MUC6: variants seen among roughly 807,000 people sequenced by gnomAD.
MUC6 encodes the protein mucin-6.
In MUC6, 188 loss-of-function variants were observed where a neutral mutation model predicts 201.5. The observed-to-expected ratio is 0.93, with a 90% CI of 0.83 to 1.05. MUC6 has a LOEUF of 1.05. MUC6 is among the 50% of genes least tolerant of loss of function. The pLI, the probability that MUC6 is intolerant of heterozygous loss-of-function variation, is 0.00. For missense variants in MUC6, 2,706 were observed against 3,256.9 expected, an observed-to-expected ratio of 0.83 and a Z score of 4.12; for synonymous variants, 1,228 against 1,389.4, an observed-to-expected ratio of 0.88 and a Z score of 2.58.
At chr11:1,032,978 C>T (rs201323655) in intron 2 of MUC6, 35 bp downstream of exon 2, 3 of 1,552,158 alleles carry the variant, frequency 1.9e-6, no homozygotes, top group East Asian at 4.6e-5. Context: ...CCTGGGTGGT[C>T]TGGGCGGCAG....
intron 31 of MUC6, among the ~76,000 whole-genome samples, chr11:1,014,774 C>T (rs907728818): frequency 2.0e-5 from 3 of 152,192 alleles, no homozygotes; most frequent in African/African-American, 7.2e-5. Flanking sequence ...AGCCTACCTG[C>T]CCGCTGCAGA....
chr11:1,025,474 C>A, intron 22 of MUC6, 107 bp from the exon 23 acceptor site: 1 of 1,348,018 alleles, frequency 7.4e-7, no homozygotes, highest in Non-Finnish European at 1.0e-6. Flanking sequence ...TCTGTTAAGG[C>A]CATGCACAGG....
rs759035509 is a variant in MUC6 at position 1,017,562 on chromosome 11, T to C, written c.5239A>G (p.Thr1747Ala). The stretch of plus-strand genomic sequence containing the variant: ...GAGGAAGTGTGTGAATGTAGGGATG[T>C]AGAGGTTTTGGCCGTGCTAAATGAG... ...RSSFSTAKTS[T>A]SLHSHTSSTH... The change falls in exon 31 of 33, where the codon ACA becomes GCA. Residue 1747 changes from threonine (T) to alanine (A), a missense_variant. Transcript: ENST00000421673. 7.1e-7 allele frequency: 1 copy of C among 1,414,658 alleles called. No homozygotes were observed. The highest frequency in any genetic ancestry group is 9.5e-7 in the Non-Finnish European group (1 of 1,056,104). The allele number at this position is 1,414,658 out of a possible 1,614,324, so 87.6% of individuals were successfully genotyped here. A position where few individuals can be genotyped will look rare whatever the true frequency, so the allele number is the denominator to read the frequency against.
At chr11:1,031,561 C>A (rs903022329) in intron 4 of MUC6, 46 bp downstream of exon 4, 13 of 1,536,162 alleles carry the variant, frequency 8.5e-6, no homozygotes, top group Non-Finnish European at 1.0e-5. Context: ...CACCTGCCCC[C>A]CCGTGCTGCG....
chr11:1,035,229 A>G (rs1007111894), intron 1 of MUC6, among the ~76,000 whole-genome samples: 2 of 151,850 alleles, frequency 1.3e-5, no homozygotes, highest in African/African-American at 4.8e-5. Context: ...ACGGGTGGAC[A>G]CCCCCACTTG....
At chr11:1,026,563 C>T (rs905674633) in intron 19 of MUC6, 85 bp from the exon 20 acceptor site, 84 of 1,383,780 alleles carry the variant, frequency 6.1e-5, no homozygotes, top group African/African-American at 4.9e-4. Context: ...GACTGCCCGG[C>T]GTGTCTCCCA....
In MUC6 at chr11:1,023,639, G is replaced by A. The variant is rs762241802; in HGVS notation, c.3396C>T (p.Gly1132=). The part of the protein sequence containing the change: ...RTPAFCPIYC[G]FYNTHTQDGH... ...CGTCCTGCGTGTGCGTGTTGTAGAA[G>A]CCGCAGTAGATGGCTGGGAGGAAGG... Residue 1132 remains glycine (G), a synonymous_variant, in exon 26 of 33, where the codon GGC becomes GGT. Coordinates refer to ENST00000421673, the MANE Select transcript of MUC6 (RefSeq NM_005961.3). 3.3e-5 allele frequency: 53 copies of A among 1,612,502 alleles called. 1 individual carries two copies. The South Asian group carries it at 5.5e-4, about 17-fold the overall frequency.
At chr11:1,032,957 T>A in intron 2 of MUC6, 56 bp downstream of exon 2, 2 of 1,511,566 alleles carry the variant, frequency 1.3e-6, no homozygotes, top group South Asian at 2.5e-5. Context: ...CCCTCTCTCC[T>A]GCACACCGGG....
rs368570174 is a variant in MUC6, at chr11:1,018,569, G to A, written c.4232C>T (p.Thr1411Met). 462 of 1,612,436 alleles carry A rather than the reference G, an allele frequency of 2.9e-4. No individual in the cohort carries two copies. The highest frequency in any genetic ancestry group is 8.9e-4 in the East Asian group (40 of 44,836). ...TGTGGAAGGGACGGGACTCCCCGCC[G>A]TAGGCGGGGAGTGTGTGGTGTGTGG... Reference protein sequence around the residue: ...QTPHTTHSPPTAGSPVPSTGP... With the variant: ...QTPHTTHSPPMAGSPVPSTGP... Residue 1411 changes from threonine (T) to methionine (M), a missense_variant, in exon 31 of 33, where the codon ACG becomes ATG. This residue lies in a region of MUC6 where 1,850 missense variants were observed against 1,958.3 expected (regional missense o/e 0.94). Transcript: ENST00000421673.
At chr11:1,030,141 G>T in intron 8 of MUC6, 72 bp downstream of exon 8, 1 of 1,473,872 alleles carries the variant, frequency 6.8e-7, no homozygotes, top group Non-Finnish European at 9.0e-7. Context: ...GGTGGGTGGG[G>T]TCTGACGTCC....
At chr11:1,019,168 C>T (rs1242582991) in intron 30 of MUC6, 107 bp downstream of exon 30, 2 of 1,299,782 alleles carry the variant, frequency 1.5e-6, no homozygotes, top group Admixed American at 2.0e-5. Flanking sequence ...TCTCGCTTGC[C>T]CTCTGGGAAA....
rs376530410 is a variant in MUC6, at chr11:1,023,641, C to T, written c.3394G>A (p.Gly1132Ser). 8.9e-5 allele frequency: 144 copies of T among 1,612,490 alleles called. No individual in the cohort carries two copies. Among genetic ancestry groups the T allele is most frequent in the South Asian group, 1.9e-4 (17 of 91,000 alleles). Residue 1132 changes from glycine (G) to serine (S), a missense_variant, in exon 26 of 33, where the codon GGC (glycine) becomes AGC (serine). Around this residue, in one of 10 missense-constraint regions of MUC6, gnomAD observed 1,850 missense variants for 1,958.3 expected, o/e 0.94. Transcript: ENST00000421673. ...TCCTGCGTGTGCGTGTTGTAGAAGCCGCAGTAGATGGCTGGGAGGAAGGGA... is the reference window on the plus strand; with the variant it reads ...TCCTGCGTGTGCGTGTTGTAGAAGCTGCAGTAGATGGCTGGGAGGAAGGGA... Reference protein sequence around the residue: ...RTPAFCPIYCGFYNTHTQDGH... With the variant: ...RTPAFCPIYCSFYNTHTQDGH...
rs1426750540 is a variant in MUC6 at position 1,033,525 on chromosome 11, G to A, written c.53-450C>T. ...GGTCTGCGCCAAGGCCCCACAGCCG[G>A]TTCTCCCTGCTCTCGGTGGCTCCGG... On this transcript the variant is annotated intron_variant, in intron 1 of 32. Coordinates refer to ENST00000421673, the MANE Select transcript of MUC6 (RefSeq NM_005961.3). The surrounding 1 kb of genome is among the most constrained non-coding windows in gnomAD (Gnocchi z 5.6). 1.3e-5 allele frequency among the ~76,000 whole-genome samples: 2 copies of A among 151,586 alleles called. No individual in the cohort carries two copies. The highest frequency in any genetic ancestry group is 2.4e-5 in the African/African-American group (1 of 41,328).
chr11:1,021,669 C>G (rs372526229), intron 26 of MUC6, among the ~76,000 whole-genome samples: 86 of 152,204 alleles, frequency 5.7e-4, no homozygotes, highest in African/African-American at 2.0e-3. Flanking sequence ...GCACCTTGCT[C>G]TAAGCCCCTC....
Position 1,013,888 on chromosome 11 carries a change from T to C in MUC6, c.7142+11A>G, listed in dbSNP as rs375012530. 6.3e-7 allele frequency: 1 copy of C among 1,597,952 alleles called. No individual in the cohort carries two copies. Among genetic ancestry groups the C allele is most frequent in the Non-Finnish European group, 8.5e-7 (1 of 1,173,496 alleles). Reference sequence around the variant, plus strand: ...GTGGACGTGGGGCAGGCCTCCCACCTGTGGACTCACCTGGCAGCGGAAATG... The same window carrying C: ...GTGGACGTGGGGCAGGCCTCCCACCCGTGGACTCACCTGGCAGCGGAAATG... On this transcript the variant is annotated intron_variant, in intron 32 of 32. Transcript: ENST00000421673.
chr11:1,032,563 G>GCA (rs1292845636), intron 2 of MUC6, among the ~76,000 whole-genome samples: 2 of 151,416 alleles, frequency 1.3e-5, no homozygotes, highest in African/African-American at 4.9e-5. Context: ...TACATAGGGT[G>GCA]CATGTGTGTG....
rs1296063951 is a variant in MUC6 at position 1,029,252 on chromosome 11, G to A, written c.1251C>T (p.Gly417=). The change falls in exon 10 of 33, where the codon GGC becomes GGT. Residue 417 remains glycine (G), a synonymous_variant. Coordinates refer to ENST00000421673, the MANE Select transcript of MUC6 (RefSeq NM_005961.3). ...TFDARPYRFH[G]TCTYILLQSP... ...CCTGGAGGAGGATGTAGGTGCAGGTGCCGTGGAAGCGGTAGGGCCTGGCGT... is the reference window on the plus strand; with the variant it reads ...CCTGGAGGAGGATGTAGGTGCAGGTACCGTGGAAGCGGTAGGGCCTGGCGT... 1 of 1,607,754 alleles carries A rather than the reference G, an allele frequency of 6.2e-7. No homozygotes were observed. The highest frequency in any genetic ancestry group is 2.2e-5 in the East Asian group (1 of 44,694).
At position 1,025,030 on chromosome 11, in the gene MUC6, G is replaced by C; in HGVS notation, c.3039C>G (p.Phe1013Leu). The part of the protein sequence containing the change: ...GNFNGNMKDD[F>L]ETRSRYVASS... Reference sequence around the variant, plus strand: ...ATGCCACGTACCTGCTGCGCGTCTCGAAGTCGTCCTTCATGTTCCCGTTGA... The same window carrying C: ...ATGCCACGTACCTGCTGCGCGTCTCCAAGTCGTCCTTCATGTTCCCGTTGA... Residue 1013 changes from phenylalanine (F) to leucine (L), a missense_variant, in exon 24 of 33, where the codon TTC (phenylalanine) becomes TTG (leucine). Physicochemically the swap from Phe to Leu is conservative, Grantham distance 22 (BLOSUM62 0). Around this residue, in one of 10 missense-constraint regions of MUC6, gnomAD observed 1,850 missense variants for 1,958.3 expected, o/e 0.94. Transcript: ENST00000421673. 6.2e-7 allele frequency: 1 copy of C among 1,612,964 alleles called. No homozygotes were observed. The highest frequency in any genetic ancestry group is 1.1e-5 in the South Asian group (1 of 91,074).
At chr11:1,027,910 T>C in intron 15 of MUC6, 55 bp downstream of exon 15, 1 of 1,563,214 alleles carries the variant, frequency 6.4e-7, no homozygotes, top group Non-Finnish European at 8.7e-7. Flanking sequence ...CCTGAGACCT[T>C]GTCAGCCACC....
Sources: allele counts gnomAD v4.1 joint callset (sites outside exome capture counted in the v4.1 genomes callset), GRCh38; gene constraint gnomAD v4.1.1; regional missense constraint gnomAD v4.1.1; non-coding constraint Gnocchi (gnomAD v3.1); transcripts MANE v1.5; gene names NCBI Gene and HGNC (gene_info 2026-07-23, HGNC 2026-07-21).